Variants in RPS12 observed in about 807,000 individuals in gnomAD.
The protein encoded by RPS12 is small ribosomal subunit protein eS12.
Under a neutral mutation model 17.2 loss-of-function variants are expected in RPS12, and 1 was observed. The ratio of observed to expected loss-of-function variants is 0.06; its 90% confidence interval spans 0.02 to 0.28. The LOEUF (loss-of-function observed/expected upper bound fraction) is 0.28, where lower values mean the gene tolerates loss of function less well. RPS12 is among the 10% of genes least tolerant of loss of function. RPS12 has a pLI of 1.00. For synonymous variants in RPS12, 67 were observed against 54.0 expected, an observed-to-expected ratio of 1.24 and a Z score of -1.06; for missense variants, 146 against 162.1, an observed-to-expected ratio of 0.90 and a Z score of 0.54.
intron 4 of RPS12, 194 bp from the exon 5 acceptor site, chr6:132,816,766 A>G (rs1288120982): frequency 1.3e-6 from 1 of 769,762 alleles, no homozygotes; most frequent in Non-Finnish European, 2.4e-6. Flanking sequence ...TTGGTATACA[A>G]CAAAGATTAG....
At chr6:132,816,344 G>C in intron 3 of RPS12, 117 bp from the exon 4 acceptor site, 1 of 718,832 alleles carries the variant, frequency 1.4e-6, no homozygotes, top group South Asian at 1.6e-5. Flanking sequence ...TATGTGTTCA[G>C]TGGATTGGCT....
In RPS12 at chr6:132,814,749, T is replaced by C; in HGVS notation, c.-20T>C. On this transcript the variant is annotated 5_prime_UTR_variant, in exon 2 of 6. Coordinates refer to ENST00000230050, the MANE Select transcript of RPS12 (RefSeq NM_001016.4). ...TTTTTTAGTGCGTTCAAGATTCAAC[T>C]TCACCCGTAACCCACCGCCATGGCC... 6.2e-7 allele frequency: 1 copy of C among 1,613,402 alleles called. No individual in the cohort carries two copies. The highest frequency in any genetic ancestry group is 1.3e-5 in the African/African-American group (1 of 74,986).
Position 132,815,038 on chromosome 6 carries a change from C to A in RPS12, c.81C>A (p.Ile27=). The stretch of plus-strand genomic sequence containing the variant: ...AAGAGGTTCTGAAGACTGCCCTCAT[C>A]CACGATGGCCTAGCACGTGGAATTC... ...ALQEVLKTAL[I]HDGLARGIRE... Residue 27 remains isoleucine, a synonymous_variant, in exon 3 of 6, where the codon ATC becomes ATA. Transcript: ENST00000230050. 1 of 1,613,740 alleles carries A rather than the reference C, an allele frequency of 6.2e-7. No homozygotes were observed. Among genetic ancestry groups the A allele is most frequent in the Non-Finnish European group, 8.5e-7 (1 of 1,179,674 alleles).
At chr6:132,815,350 T>A (rs1244585187) in intron 3 of RPS12, 1 of 643,234 alleles carries the variant, frequency 1.6e-6, no homozygotes, top group Non-Finnish European at 2.9e-6. Flanking sequence ...TTCACTCCTT[T>A]TATGAGTGAA....
intron 3 of RPS12, chr6:132,815,639 T>G (rs1385721175): frequency 2.2e-6 from 1 of 456,746 alleles, no homozygotes; most frequent in Non-Finnish European, 4.4e-6. Context: ...CAACCTACTC[T>G]TGAGCTGAAT....
At chr6:132,814,644 T>G in intron 1 of RPS12, 31 bp downstream of exon 1, 3 of 1,125,962 alleles carry the variant, frequency 2.7e-6, no homozygotes, top group Non-Finnish European at 4.0e-6. Context: ...GGGGGGTGTA[T>G]TGGTTATAAT....
At chr6:132,815,530 G>T (rs574319713) in intron 3 of RPS12, 6 of 418,842 alleles carry the variant, frequency 1.4e-5, no homozygotes, top group Admixed American at 5.4e-5. Context: ...GATGAATTTA[G>T]TAGTATAATA....
chr6:132,815,631 A>G (rs959281291), intron 3 of RPS12: 3 of 456,568 alleles, frequency 6.6e-6, no homozygotes, highest in African/African-American at 4.0e-5. Flanking sequence ...TGACAAATCA[A>G]CCTACTCTTG....
Position 132,817,389 on chromosome 6 carries a change from T to G in RPS12, c.337-91T>G, listed in dbSNP as rs560394622. 38 of 877,274 alleles carry G rather than the reference T, an allele frequency of 4.3e-5. 1 individual carries two copies. The South Asian group carries it at 4.9e-4, about 11-fold the overall frequency. The allele number at this position is 877,274 out of a possible 1,614,324, so 54.3% of individuals were successfully genotyped here. On this transcript the variant is annotated intron_variant, in intron 5 of 5. Transcript: ENST00000230050. ...AAACATTTTTATAAGACATAGCTAA[T>G]TGTTGAAGCTCCACTATAATTGATA... is the stretch of plus-strand genomic sequence containing the variant.
At chr6:132,816,429 T>C (rs1376136833) in intron 3 of RPS12, 32 bp from the exon 4 acceptor site, 7 of 1,507,904 alleles carry the variant, frequency 4.6e-6, no homozygotes, top group Non-Finnish European at 5.5e-6. Flanking sequence ...ATCTGAGTTT[T>C]AGCTCCATTT....
At position 132,817,194 on chromosome 6, in the gene RPS12, GA is replaced by G. The variant is rs768225062; in HGVS notation, c.336+140del. On this transcript the variant is annotated intron_variant, in intron 5 of 5. Coordinates refer to ENST00000230050, the MANE Select transcript of RPS12 (RefSeq NM_001016.4). ...GTTTAAAGCATTTTCTGCATTTCAG[GA>G]AAAAAATAAAAGCTGTAATTTACAA... 5.1e-6 allele frequency: 4 copies of G among 787,588 alleles called. No homozygotes were observed. The South Asian group carries it at 5.7e-5, about 11-fold the overall frequency. 48.8% of individuals were successfully genotyped at this position (787,588 alleles called of 1,614,324 possible). A position where few individuals can be genotyped will look rare whatever the true frequency, so the allele number is the denominator to read the frequency against.
At position 132,815,523 on chromosome 6, in the gene RPS12, G is replaced by A. The variant is rs185994911; in HGVS notation, c.131+435G>A. On this transcript the variant is annotated intron_variant, in intron 3 of 5. Coordinates refer to ENST00000230050, the MANE Select transcript of RPS12 (RefSeq NM_001016.4). Reference sequence around the variant, plus strand: ...GTTTCAGAAGCATTTGGTCCTAGATGAATTTAGTAGTATAATAGCTGTGAT... The same window carrying A: ...GTTTCAGAAGCATTTGGTCCTAGATAAATTTAGTAGTATAATAGCTGTGAT... The A allele has an allele frequency of 3.7e-4, 152 of 414,156 alleles. No homozygotes were observed. In the Admixed American group the frequency reaches 4.2e-3, roughly 11 times the overall value. The allele number at this position is 414,156 out of a possible 1,614,324, so 25.7% of individuals were successfully genotyped here. A position where few individuals can be genotyped will look rare whatever the true frequency, so the allele number is the denominator to read the frequency against.
intron 1 of RPS12, 49 bp downstream of exon 1, chr6:132,814,662 T>A: frequency 7.7e-7 from 1 of 1,295,486 alleles, no homozygotes; most frequent in Non-Finnish European, 1.1e-6. Context: ...AATTTGTGGC[T>A]CGTTGCGTTC....
chr6:132,815,803 A>G (rs959167023), intron 3 of RPS12: 9 of 452,404 alleles, frequency 2.0e-5, no homozygotes, highest in African/African-American at 1.6e-4. Flanking sequence ...ATGGCATTTC[A>G]TAACTGTTCC....
Sources: allele counts gnomAD v4.1 joint callset, GRCh38; gene constraint gnomAD v4.1.1; transcripts MANE v1.5; gene names NCBI Gene and HGNC (gene_info 2026-07-23, HGNC 2026-07-21).